Variants in DHRS7 observed in about 807,000 individuals in gnomAD.
DHRS7 encodes the protein dehydrogenase/reductase 7, also known as dehydrogenase/reductase SDR family member 7.
DHRS7 carries 34 observed loss-of-function variants against 38.9 expected under a neutral mutation model. The observed-to-expected ratio is 0.87, with a 90% confidence interval of 0.66 to 1.16. The LOEUF is 1.16. Ranked by LOEUF, DHRS7 falls within the 50% of genes most tolerant of loss-of-function variation. DHRS7 has a pLI of 0.00. For missense variants in DHRS7, 421 were observed against 407.0 expected (o/e 1.03, Z -0.30); for synonymous variants, 158 against 153.1 (o/e 1.03, Z -0.24).
chr14:60,149,281 A>G (rs774422056), intron 6 of DHRS7, 72 bp downstream of exon 6: 1 of 1,490,670 alleles, frequency 6.7e-7, no homozygotes, highest in Non-Finnish European at 9.3e-7. Flanking sequence ...AAAGTTTTTT[A>G]AACACTGGAA....
In DHRS7 at chr14:60,155,422, C is replaced by G. The variant is rs1595196100; in HGVS notation, c.286+578G>C. Among the ~76,000 whole-genome samples the G allele has an allele frequency of 2.0e-5, 3 of 152,284 alleles. No individual in the cohort carries two copies. The East Asian group carries it at 5.8e-4, about 29-fold the overall frequency. On this transcript the variant is annotated intron_variant, in intron 2 of 6. Coordinates refer to ENST00000557185, the MANE Select transcript of DHRS7 (RefSeq NM_016029.4). ...CAAGATCACACCATTGTACTCCAGC[C>G]TGGGCAACAAAGTGAGACTTCATCT...
In DHRS7 at chr14:60,162,408, A is replaced by G. The variant is rs1871017852; in HGVS notation, c.133+2769T>C. ...AAAAAAAAAAATCACCATGTGAGAT[A>G]TATGCTTGGAAATGCACAGAATTTC... On this transcript the variant is annotated intron_variant, in intron 1 of 6. Transcript: ENST00000557185. This position sits in a 1 kb window ranked among gnomAD's most constrained non-coding sequence, Gnocchi z 4.5. Among the ~76,000 whole-genome samples, 1 of 152,074 alleles carries G rather than the reference A, an allele frequency of 6.6e-6. No homozygotes were observed. The highest frequency in any genetic ancestry group is 2.4e-5 in the African/African-American group (1 of 41,386).
At chr14:60,156,432 T>C (rs76653897) in intron 1 of DHRS7, among the ~76,000 whole-genome samples, 1 of 152,264 alleles carries the variant, frequency 6.6e-6, no homozygotes, top group African/African-American at 2.4e-5. Flanking sequence ...GTAAGCCTTA[T>C]AACCTCATGG....
intron 1 of DHRS7, among the ~76,000 whole-genome samples, chr14:60,163,206 A>G (rs1896798621): frequency 6.6e-6 from 1 of 152,232 alleles, no homozygotes; most frequent in South Asian, 2.1e-4. Context: ...CTTACTCCTT[A>G]GTTAATAAGC....
rs376945245 is a variant in DHRS7, at chr14:60,150,194, G to GGC, written c.634-8_634-7insGC. 26,159 of 1,099,346 alleles carry GGC rather than the reference G, an allele frequency of 0.024. 474 individuals carry two copies. The highest frequency in any genetic ancestry group is 0.091 in the East Asian group (2,476 of 27,242). The allele number at this position is 1,099,346 out of a possible 1,614,324, so 68.1% of individuals were successfully genotyped here. On this transcript the variant is annotated splice_polypyrimidine_tract_variant and splice_region_variant and intron_variant, in intron 4 of 6. Coordinates refer to ENST00000557185, the MANE Select transcript of DHRS7 (RefSeq NM_016029.4). The stretch of plus-strand genomic sequence containing the variant: ...GAAGGCCATTAAAAAAACCCTAACA[G>GGC]ACAAAAAAAAAAAAAAAGGAAAAAG...
Position 60,148,171 on chromosome 14 carries a change from A to T in DHRS7, c.972+1182T>A, listed in dbSNP as rs1896454324. 1 of 152,182 alleles carries T rather than the reference A, an allele frequency of 6.6e-6. No individual in the cohort carries two copies. Among genetic ancestry groups the T allele is most frequent in the South Asian group, 2.1e-4 (1 of 4,834 alleles). 9.4% of individuals were successfully genotyped at this position (152,182 alleles called of 1,614,324 possible). On this transcript the variant is annotated intron_variant, in intron 6 of 6. Transcript: ENST00000557185. This position sits in a 1 kb window ranked among gnomAD's most constrained non-coding sequence, Gnocchi z 4.8. Reference sequence around the variant, plus strand: ...TGTGTTTGTAACTTTTTACCCCCTAATTCATTTTCACTGTCCTGCAAAGAG... The same window carrying T: ...TGTGTTTGTAACTTTTTACCCCCTATTTCATTTTCACTGTCCTGCAAAGAG...
intron 1 of DHRS7, chr14:60,159,343 T>C: frequency 2.6e-6 from 1 of 378,990 alleles, no homozygotes; most frequent in Non-Finnish European, 5.1e-6. Flanking sequence ...ATTGAAGCCC[T>C]TCTGTTTTAT....
In DHRS7 at chr14:60,144,574, T is replaced by C. The variant is rs1896350079; in HGVS notation, c.*392A>G. On this transcript the variant is annotated 3_prime_UTR_variant, in exon 7 of 7. Transcript: ENST00000557185. ...AGATCAGCCTTCACCAGACACTAAT[T>C]CTGCTGGTGCATTGGTCTTGGAATT... 1 of 206,582 alleles carries C rather than the reference T, an allele frequency of 4.8e-6. No homozygotes were observed. 12.8% of individuals were successfully genotyped at this position (206,582 alleles called of 1,614,324 possible).
Position 60,150,148 on chromosome 14 carries a change from G to C in DHRS7, c.673C>G (p.Pro225Ala). The change falls in exon 5 of 7, where the codon CCA becomes GCA. Residue 225 changes from proline to alanine, a missense_variant. Transcript: ENST00000557185. ...CAAATGTTAGAAACTATTATACCTG[G>C]GTATGTGGCAAGTTCTGTTCGAAGG... is the stretch of plus-strand genomic sequence containing the variant. Reference protein sequence around the residue: ...NGLRTELATYPGIIVSNICPG... With the variant: ...NGLRTELATYAGIIVSNICPG... The C allele has an allele frequency of 6.3e-7, 1 of 1,592,616 alleles. No individual in the cohort carries two copies. Among genetic ancestry groups the C allele is most frequent in the Non-Finnish European group, 8.5e-7 (1 of 1,171,484 alleles).
rs1268633029 is a variant in DHRS7 at position 60,144,266 on chromosome 14, A to G, written c.*700T>C. ...AAGGTCATTTCAAATACTTCTTTATATCTGGTCATTACCCAGCACTCTGCT... is the reference window on the plus strand; with the variant it reads ...AAGGTCATTTCAAATACTTCTTTATGTCTGGTCATTACCCAGCACTCTGCT... On this transcript the variant is annotated 3_prime_UTR_variant, in exon 7 of 7. Coordinates refer to ENST00000557185, the MANE Select transcript of DHRS7 (RefSeq NM_016029.4). 3 of 152,218 alleles carry G rather than the reference A, an allele frequency of 2.0e-5. 1 individual carries two copies. The highest frequency in any genetic ancestry group is 4.1e-4 in the South Asian group (2 of 4,834). The allele number at this position is 152,218 out of a possible 1,614,324, so 9.4% of individuals were successfully genotyped here.
chr14:60,165,088 G>T lies in DHRS7; in HGVS notation c.133+89C>A. 4.0e-6 allele frequency: 6 copies of T among 1,509,928 alleles called. No homozygotes were observed. The highest frequency in any genetic ancestry group is 2.4e-5 in the East Asian group (1 of 41,774). 93.5% of individuals were successfully genotyped at this position (1,509,928 alleles called of 1,614,324 possible). On this transcript the variant is annotated intron_variant, in intron 1 of 6. Coordinates refer to ENST00000557185, the MANE Select transcript of DHRS7 (RefSeq NM_016029.4). This position sits in a 1 kb window ranked among gnomAD's most constrained non-coding sequence, Gnocchi z 4.6. ...TCCACGCAACCCACAAAGGACCCGGGATCACTGCAGAACCCCCGGAGACCC... is the reference window on the plus strand; with the variant it reads ...TCCACGCAACCCACAAAGGACCCGGTATCACTGCAGAACCCCCGGAGACCC...
upstream of DHRS7, among the ~76,000 whole-genome samples, chr14:60,168,232 T>A (rs1896890541): frequency 6.6e-6 from 1 of 152,242 alleles, no homozygotes; most frequent in South Asian, 2.1e-4. Context: ...ATATTTTGTT[T>A]AGATTAGCCA....
In DHRS7 at chr14:60,165,253, C is replaced by T; in HGVS notation, c.57G>A (p.Leu19=). ...CCCTCAGGAAGCGCAGCAGCTGCAC[C>T]AAGAGCAGGAGCAGCGCGCACAGCA... ...LLVLCALLLL[L]VQLLRFLRAD... is the part of the protein sequence containing the mutation. The change falls in exon 1 of 7, where the codon TTG becomes TTA. Residue 19 remains leucine (L), a synonymous_variant. Transcript: ENST00000557185. This position sits in a 1 kb window ranked among gnomAD's most constrained non-coding sequence, Gnocchi z 4.6. The T allele has an allele frequency of 1.2e-6, 2 of 1,608,592 alleles. No homozygotes were observed. The highest frequency in any genetic ancestry group is 1.7e-6 in the Non-Finnish European group (2 of 1,178,942).
intron 1 of DHRS7, among the ~76,000 whole-genome samples, chr14:60,160,163 T>C (rs1020793034): frequency 1.3e-5 from 2 of 151,832 alleles, no homozygotes; most frequent in Non-Finnish European, 2.9e-5. Context: ...CCATCTCTAC[T>C]AAAAATACAA....
chr14:60,158,305 C>T (rs1896698548), intron 1 of DHRS7, among the ~76,000 whole-genome samples: 1 of 150,932 alleles, frequency 6.6e-6, no homozygotes, highest in Non-Finnish European at 1.5e-5. Context: ...GGCTACAATG[C>T]TTTCCTGTCA....
chr14:60,150,718 G>A (rs1396484520), intron 4 of DHRS7, among the ~76,000 whole-genome samples: 3 of 152,152 alleles, frequency 2.0e-5, no homozygotes. Context: ...GTCCATCATT[G>A]ATGGACATTT....
chr14:60,165,027 G>T lies in DHRS7; in HGVS notation c.133+150C>A, dbSNP rs1037242398. On this transcript the variant is annotated intron_variant, in intron 1 of 6. Coordinates refer to ENST00000557185, the MANE Select transcript of DHRS7 (RefSeq NM_016029.4). The surrounding 1 kb of genome is among the most constrained non-coding windows in gnomAD (Gnocchi z 4.6). Reference sequence around the variant, plus strand: ...CTCGCCTCTTCCTCCCCAACCCGCAGCCCCTGCGTAAGGGGCAGCCGGGCC... The same window carrying T: ...CTCGCCTCTTCCTCCCCAACCCGCATCCCCTGCGTAAGGGGCAGCCGGGCC... 1.0e-6 allele frequency: 1 copy of T among 978,444 alleles called. No homozygotes were observed. Among genetic ancestry groups the T allele is most frequent in the Non-Finnish European group, 1.5e-6 (1 of 664,742 alleles). The allele number at this position is 978,444 out of a possible 1,614,324, so 60.6% of individuals were successfully genotyped here. A position where few individuals can be genotyped will look rare whatever the true frequency, so the allele number is the denominator to read the frequency against.
chr14:60,156,318 TA>T (rs199902248), intron 1 of DHRS7, among the ~76,000 whole-genome samples, 166 bp from the exon 2 acceptor site: 4,520 of 135,878 alleles, frequency 0.033, 96 homozygotes, highest in East Asian at 0.16. Flanking sequence ...CCTTCTTAAC[TA>T]AAAAAAAAAA....
At chr14:60,158,561 G>A (rs1398717732) in intron 1 of DHRS7, among the ~76,000 whole-genome samples, 1 of 152,126 alleles carries the variant, frequency 6.6e-6, no homozygotes, top group African/African-American at 2.4e-5. Flanking sequence ...TAAAGCTGAT[G>A]GTGTAAACTT....
Sources: gnomAD v4.1 joint callset for allele counts (sites outside exome capture counted in the v4.1 genomes callset) on GRCh38, gnomAD v4.1.1 for gene constraint, Gnocchi (gnomAD v3.1) non-coding constraint, MANE v1.5 for transcripts, NCBI Gene and HGNC (gene_info 2026-07-23, HGNC 2026-07-21) for gene names.